TRPM3: variants seen among roughly 807,000 people sequenced by gnomAD.
TRPM3 encodes transient receptor potential cation channel subfamily M member 3, also known as long transient receptor potential channel 3.
In TRPM3, 77 loss-of-function variants were observed where a neutral mutation model predicts 181.2. The observed-to-expected ratio is 0.42, with a 90% confidence interval of 0.35 to 0.51. The LOEUF (loss-of-function observed/expected upper bound fraction) is 0.51, where lower values mean the gene tolerates loss of function less well. Among genes scored for constraint, TRPM3 ranks in the 20% least tolerant of loss-of-function variants. The pLI, the probability that TRPM3 is intolerant of heterozygous loss-of-function variation, is 0.01. For missense variants in TRPM3, 1,759 were observed against 2,196.7 expected (o/e 0.80, Z 3.98); for synonymous variants, 745 against 796.4 (o/e 0.94, Z 1.09).
At chr9:71,438,118 T>C (rs1018951186) in intron 1 of TRPM3, among the ~76,000 whole-genome samples, 1 of 152,126 alleles carries the variant, frequency 6.6e-6, no homozygotes, top group African/African-American at 2.4e-5. Context: ...CATTGGGATG[T>C]ATTCAGCAAA....
intron 8 of TRPM3, among the ~76,000 whole-genome samples, chr9:70,743,763 T>C (rs144161011): frequency 1.3e-5 from 2 of 152,268 alleles, no homozygotes; most frequent in Non-Finnish European, 2.9e-5. Context: ...AAGACCTTCC[T>C]AGAGTTAGAA....
chr9:70,535,692 C>T lies in TRPM3; in HGVS notation c.*261G>A. 5 of 1,435,694 alleles carry T rather than the reference C, an allele frequency of 3.5e-6. No homozygotes were observed. The East Asian group carries it at 1.0e-4, about 29-fold the overall frequency. The allele number at this position is 1,435,694 out of a possible 1,614,324, so 88.9% of individuals were successfully genotyped here. A position where few individuals can be genotyped will look rare whatever the true frequency, so the allele number is the denominator to read the frequency against. ...TGCGGATACACATTCATCTCTAACC[C>T]TTCCTTCTCCCTCTCTTCCCCCTCC... is the stretch of plus-strand genomic sequence containing the variant. On this transcript the variant is annotated 3_prime_UTR_variant, in exon 26 of 26. Coordinates refer to ENST00000677713, the MANE Select transcript of TRPM3 (RefSeq NM_001366145.2).
intron 5 of TRPM3, among the ~76,000 whole-genome samples, chr9:70,842,518 T>C (rs1160927544): frequency 6.6e-6 from 1 of 152,138 alleles, no homozygotes. Flanking sequence ...GTGGCTCAGA[T>C]AGACCTCATG....
At chr9:70,605,795 C>T (rs2060964751) in intron 19 of TRPM3, among the ~76,000 whole-genome samples, 1 of 152,208 alleles carries the variant, frequency 6.6e-6, no homozygotes, top group Non-Finnish European at 1.5e-5. Flanking sequence ...AATTCCATCA[C>T]TTGTAGGTGA....
chr9:70,618,823 C>T (rs765074629), intron 17 of TRPM3, 44 bp downstream of exon 17: 2 of 1,561,360 alleles, frequency 1.3e-6, no homozygotes, highest in Non-Finnish European at 1.7e-6. Context: ...TCTAACCCAC[C>T]CGCCGGTCCT....
intron 1 of TRPM3, among the ~76,000 whole-genome samples, chr9:71,181,270 G>A (rs1322705490): frequency 6.6e-6 from 1 of 151,992 alleles, no homozygotes; most frequent in African/African-American, 2.4e-5. Context: ...ACAACTTTGA[G>A]CCCTAGAAGG....
chr9:70,936,776 C>G (rs1242697774), intron 1 of TRPM3, among the ~76,000 whole-genome samples: 3 of 152,084 alleles, frequency 2.0e-5, no homozygotes, highest in African/African-American at 7.2e-5. Flanking sequence ...TGTCCCTGTA[C>G]GTAAAGTGAA....
chr9:71,238,666 T>C (rs1224612972), intron 1 of TRPM3, among the ~76,000 whole-genome samples: 2 of 152,222 alleles, frequency 1.3e-5, no homozygotes, highest in Non-Finnish European at 2.9e-5. Flanking sequence ...GGTCTTATCA[T>C]TGTAATGCAT....
intron 1 of TRPM3, among the ~76,000 whole-genome samples, chr9:71,352,792 G>A (rs923432581): frequency 1.3e-5 from 2 of 151,976 alleles, no homozygotes; most frequent in East Asian, 1.9e-4. Context: ...TCTATCTCAG[G>A]CACCACCAAA....
intron 1 of TRPM3, among the ~76,000 whole-genome samples, chr9:70,958,113 G>A (rs2097098173): frequency 6.6e-6 from 1 of 152,158 alleles, no homozygotes; most frequent in Non-Finnish European, 1.5e-5. Context: ...CCTTGGGAGT[G>A]CTCCCTGATA....
intron 1 of TRPM3, among the ~76,000 whole-genome samples, chr9:71,414,751 A>C (rs2093611982): frequency 6.6e-6 from 1 of 152,108 alleles, no homozygotes; most frequent in Non-Finnish European, 1.5e-5. Context: ...TCGTATGATT[A>C]TTGTGAATTA....
intron 6 of TRPM3, among the ~76,000 whole-genome samples, chr9:70,814,124 T>C (rs77407532): frequency 0.011 from 1,680 of 152,332 alleles, 30 homozygotes; most frequent in African/African-American, 0.038. Context: ...TGAGTTCTTA[T>C]TTTTGCCACA....
At chr9:71,247,544 T>A (rs1048116217) in intron 1 of TRPM3, among the ~76,000 whole-genome samples, 2 of 151,582 alleles carry the variant, frequency 1.3e-5, no homozygotes, top group African/African-American at 4.9e-5. Context: ...GAATAAAAAA[T>A]ACCAGGGGGG....
At chr9:71,366,880 T>C (rs188814300) in intron 1 of TRPM3, among the ~76,000 whole-genome samples, 2 of 152,300 alleles carry the variant, frequency 1.3e-5, no homozygotes, top group African/African-American at 4.8e-5. Flanking sequence ...GGATTTCTTA[T>C]AGAAATCTTA....
Position 70,625,232 on chromosome 9 carries a change from G to C in TRPM3, c.1768C>G (p.Arg590Gly), listed in dbSNP as rs367948487. Residue 590 changes from arginine to glycine, a missense_variant, in exon 14 of 26, where the codon CGC becomes GGC. Around this residue, in one of 8 missense-constraint regions of TRPM3, gnomAD observed 737 missense variants for 957.4 expected, o/e 0.77. Transcript: ENST00000677713. The surrounding 1 kb of genome is among the most constrained non-coding windows in gnomAD (Gnocchi z 4.8). ...AGGTTGTGGTAGAGGGTCCGGAAGC[G>C]CTTGCGCGTGTAGTTGCAGCGATAA... ...GAYRCNYTRK[R>G]FRTLYHNLFG... 350 of 1,613,978 alleles carry C rather than the reference G, an allele frequency of 2.2e-4. 1 individual carries two copies. Among genetic ancestry groups the C allele is most frequent in the Non-Finnish European group, 2.8e-4 (334 of 1,180,026 alleles).
chr9:70,778,440 A>T (rs943125943), intron 7 of TRPM3, among the ~76,000 whole-genome samples: 2 of 152,188 alleles, frequency 1.3e-5, no homozygotes, highest in African/African-American at 4.8e-5. Context: ...TGCATATAGT[A>T]GGCACTCAAT....
chr9:71,431,998 CGTT>C (rs917684267), intron 1 of TRPM3, among the ~76,000 whole-genome samples: 5 of 152,192 alleles, frequency 3.3e-5, no homozygotes, highest in African/African-American at 1.2e-4. Context: ...AAAATACAGT[CGTT>C]GCCCTGAAGG....
At chr9:70,664,659 T>G (rs989589457) in intron 9 of TRPM3, among the ~76,000 whole-genome samples, 1 of 124,146 alleles carries the variant, frequency 8.1e-6, no homozygotes, top group African/African-American at 3.1e-5. Context: ...TTTTTTTTTT[T>G]TTTTTTTTTG....
chr9:71,138,068 C>A (rs1171013785), intron 1 of TRPM3, among the ~76,000 whole-genome samples: 3 of 151,742 alleles, frequency 2.0e-5, no homozygotes, highest in African/African-American at 7.3e-5. Context: ...GAGCCGAGAT[C>A]TTGCCACTGC....
Sources: gnomAD v4.1 joint callset for allele counts (sites outside exome capture counted in the v4.1 genomes callset) on GRCh38, gnomAD v4.1.1 for gene constraint, gnomAD v4.1.1 regional missense constraint, Gnocchi (gnomAD v3.1) non-coding constraint, MANE v1.5 for transcripts, NCBI Gene and HGNC (gene_info 2026-07-23, HGNC 2026-07-21) for gene names.